SMIM10L3: variants seen among roughly 807,000 people sequenced by gnomAD.
The protein encoded by SMIM10L3 is salivary gland specific protein SAGSIN1.
At chr7:6,341,272 A>G in the SMIM10L3 span, among the ~76,000 whole-genome samples, 7 of 151,212 alleles carry the variant, frequency 4.6e-5, no homozygotes, top group Non-Finnish European at 8.8e-5. Flanking sequence ...GTGAAACCCC[A>G]TCTCTACGAA....
At chr7:6,345,575 G>C in the SMIM10L3 span, among the ~76,000 whole-genome samples, 3 of 152,096 alleles carry the variant, frequency 2.0e-5, no homozygotes, top group Admixed American at 1.3e-4. Flanking sequence ...ATGGTAAAGA[G>C]CATACCAATT....
the SMIM10L3 span, among the ~76,000 whole-genome samples, chr7:6,337,074 T>C: frequency 7.3e-6 from 1 of 137,092 alleles, no homozygotes; most frequent in African/African-American, 2.8e-5. Flanking sequence ...ATTTTAATTC[T>C]TTTTTTTTTT....
chr7:6,344,886 C>T, the SMIM10L3 span, among the ~76,000 whole-genome samples: 29 of 152,102 alleles, frequency 1.9e-4, no homozygotes, highest in African/African-American at 5.5e-4. Context: ...GGATGACAGG[C>T]GCATGCCGCC....
the SMIM10L3 span, among the ~76,000 whole-genome samples, chr7:6,336,270 C>T: frequency 6.6e-6 from 1 of 152,080 alleles, no homozygotes; most frequent in Middle Eastern, 3.4e-3. Context: ...ACTGCTTGAG[C>T]CTAGAAGCTC....
chr7:6,335,357 T>C, the SMIM10L3 span, among the ~76,000 whole-genome samples: 68,959 of 151,388 alleles, frequency 0.46, 16,243 homozygotes, highest in African/African-American at 0.59. Flanking sequence ...TGAGTAGCTG[T>C]GATTACAAGC....
the SMIM10L3 span, among the ~76,000 whole-genome samples, chr7:6,337,387 G>A: frequency 6.7e-3 from 1,010 of 150,942 alleles, 23 homozygotes; most frequent in African/African-American, 0.023. Context: ...CTCCCAAAGT[G>A]TTGGGATTAC....
At chr7:6,337,702 C>G in the SMIM10L3 span, among the ~76,000 whole-genome samples, 1 of 151,602 alleles carries the variant, frequency 6.6e-6, no homozygotes, top group Admixed American at 6.6e-5. Flanking sequence ...TGTATTCAAT[C>G]ATGATAGAAT....
chr7:6,348,781 C>T, the SMIM10L3 span: 9 of 393,664 alleles, frequency 2.3e-5, no homozygotes, highest in Non-Finnish European at 3.6e-5. Flanking sequence ...GCTCCCACAG[C>T]CCCCCCGCCC....
At chr7:6,330,411 T>G in the SMIM10L3 span, 8 of 1,613,860 alleles carry the variant, frequency 5.0e-6, no homozygotes, top group African/African-American at 1.1e-4. Context: ...ATTCAAAAGG[T>G]TGCAGAGCCA....
At chr7:6,334,075 T>C in the SMIM10L3 span, among the ~76,000 whole-genome samples, 1 of 151,312 alleles carries the variant, frequency 6.6e-6, no homozygotes. Flanking sequence ...ATCTATCTCC[T>C]GACCTCGTGA....
the SMIM10L3 span, among the ~76,000 whole-genome samples, chr7:6,344,118 A>G: frequency 6.6e-6 from 1 of 151,528 alleles, no homozygotes; most frequent in African/African-American, 2.4e-5. Context: ...CCTGGCCTCA[A>G]GCGAGGGTAA....
At chr7:6,343,396 TCATATATATATATATATATATA>T in the SMIM10L3 span, among the ~76,000 whole-genome samples, 17 of 76,880 alleles carry the variant, frequency 2.2e-4, no homozygotes, top group African/African-American at 9.1e-4. Flanking sequence ...AATAATAATT[TCATATATATATATATATATATA>T]TATATATATA....
At chr7:6,344,409 G>A in the SMIM10L3 span, among the ~76,000 whole-genome samples, 2 of 152,196 alleles carry the variant, frequency 1.3e-5, no homozygotes, top group East Asian at 3.9e-4. Flanking sequence ...TCAAGCCCAA[G>A]CCTACAATCT....
At chr7:6,348,232 A>AGGGGGG in the SMIM10L3 span, among the ~76,000 whole-genome samples, 351 of 144,934 alleles carry the variant, frequency 2.4e-3, 3 homozygotes, top group Admixed American at 4.5e-3. Context: ...ATTAAAAATA[A>AGGGGGG]GGGGGGGGGT....
At chr7:6,341,081 T>C in the SMIM10L3 span, among the ~76,000 whole-genome samples, 16 of 150,202 alleles carry the variant, frequency 1.1e-4, no homozygotes, top group African/African-American at 3.9e-4. Flanking sequence ...GAGGTGCAGC[T>C]TGCAGTGAGC....
At chr7:6,339,481 CCT>C in the SMIM10L3 span, among the ~76,000 whole-genome samples, 1 of 151,782 alleles carries the variant, frequency 6.6e-6, no homozygotes, top group East Asian at 1.9e-4. Context: ...GCTGTGTACC[CCT>C]TTTTTTGTTT....
At chr7:6,333,086 G>A in the SMIM10L3 span, among the ~76,000 whole-genome samples, 1 of 151,418 alleles carries the variant, frequency 6.6e-6, no homozygotes, top group Non-Finnish European at 1.5e-5. Flanking sequence ...GAACCCGGGA[G>A]GCAGAGGTTG....
the SMIM10L3 span, chr7:6,348,431 A>C: frequency 1.0e-5 from 4 of 396,072 alleles, no homozygotes; most frequent in African/African-American, 8.3e-5. Context: ...GGATCTCCCC[A>C]AAGTAGGGTC....
At chr7:6,331,600 T>C in the SMIM10L3 span, among the ~76,000 whole-genome samples, 16 of 152,058 alleles carry the variant, frequency 1.1e-4, no homozygotes, top group Non-Finnish European at 2.4e-4. Context: ...TGGGATGGTC[T>C]CCATCTCCTG....
Sources: allele counts gnomAD v4.1 joint callset (sites outside exome capture counted in the v4.1 genomes callset), GRCh38; gene constraint gnomAD v4.1.1; transcripts MANE v1.5; gene names NCBI Gene and HGNC (gene_info 2026-07-23, HGNC 2026-07-21).